The following ITGA4 variants were observed in gnomAD, a reference collection of about 807,000 sequenced individuals.
The protein encoded by ITGA4 is integrin alpha-4.
ITGA4 carries 63 observed loss-of-function variants against 133.6 expected under a neutral mutation model. The ratio of observed to expected loss-of-function variants is 0.47; its 90% CI spans 0.38 to 0.58. ITGA4 has a LOEUF of 0.58. Ranked by LOEUF, ITGA4 falls within the 20% of genes least tolerant of loss-of-function variation. The pLI, the probability that ITGA4 is intolerant of heterozygous loss-of-function variation, is 0.00. For missense variants in ITGA4, 1,076 were observed against 1,252.7 expected, an observed-to-expected ratio of 0.86 and a Z score of 2.13; for synonymous variants, 483 against 438.0, an observed-to-expected ratio of 1.10 and a Z score of -1.28.
At chr2:181,483,397 CAA>C (rs965134023) in intron 9 of ITGA4, among the ~76,000 whole-genome samples, 36 of 148,432 alleles carry the variant, frequency 2.4e-4, no homozygotes, top group African/African-American at 8.0e-4. Flanking sequence ...GATTTGAAAA[CAA>C]GAGTGGGCTT....
At chr2:181,496,801 G>A (rs548814146) in intron 14 of ITGA4, among the ~76,000 whole-genome samples, 31 of 152,246 alleles carry the variant, frequency 2.0e-4, no homozygotes, top group African/African-American at 6.0e-4. Flanking sequence ...AATTCACAAC[G>A]TTTATGATCC....
chr2:181,494,507 C>T (rs1483749027), intron 11 of ITGA4, among the ~76,000 whole-genome samples: 3 of 152,136 alleles, frequency 2.0e-5, no homozygotes, highest in Non-Finnish European at 2.9e-5. Flanking sequence ...TCCCTTTGCT[C>T]GCAAAGTAAA....
intron 9 of ITGA4, among the ~76,000 whole-genome samples, chr2:181,483,362 ATGAAATC>A (rs1685847453): frequency 6.6e-6 from 1 of 152,210 alleles, no homozygotes; most frequent in Non-Finnish European, 1.5e-5. Context: ...TGGAGTCTTA[ATGAAATC>A]TTCTTGGCCC....
Position 181,534,258 on chromosome 2 carries a change from CT to C in ITGA4, c.2785-10del. 1 of 1,510,546 alleles carries C rather than the reference CT, an allele frequency of 6.6e-7. No homozygotes were observed. The highest frequency in any genetic ancestry group is 9.2e-7 in the Non-Finnish European group (1 of 1,086,628). 93.6% of individuals were successfully genotyped at this position (1,510,546 alleles called of 1,614,324 possible). ...AATAAACCAGGCTATGGTGATCCTT[CT>C]TTTATTAAACAGGATGAGACTTCAG... On this transcript the variant is annotated splice_polypyrimidine_tract_variant and intron_variant, in intron 25 of 27. Coordinates refer to ENST00000397033, the MANE Select transcript of ITGA4 (RefSeq NM_000885.6).
intron 10 of ITGA4, among the ~76,000 whole-genome samples, chr2:181,487,959 C>T (rs1685959294): frequency 6.6e-6 from 1 of 152,182 alleles, no homozygotes; most frequent in Admixed American, 6.5e-5. Flanking sequence ...AACACAAAAT[C>T]ACTGTTTAGT....
At position 181,535,475 on chromosome 2, in the gene ITGA4, A is replaced by AAAAC. The variant is rs1309595667; in HGVS notation, c.3049_3052dup (p.Arg1018LysfsTer12). On this transcript the variant is annotated frameshift_variant, in exon 28 of 28. Coordinates refer to ENST00000397033, the MANE Select transcript of ITGA4 (RefSeq NM_000885.6). LOFTEE classifies it high-confidence loss of function. ...CAATACAAATCTATCCTACAAGAAG[A>AAAAC]AAACAGAAGAGACAGTTGGAGTTAT... The AAAAC allele has an allele frequency of 1.9e-6, 3 of 1,609,888 alleles. No individual in the cohort carries two copies. Among genetic ancestry groups the AAAAC allele is most frequent in the Non-Finnish European group, 2.5e-6 (3 of 1,177,854 alleles).
intron 22 of ITGA4, chr2:181,527,591 C>A: frequency 2.0e-6 from 1 of 491,020 alleles, no homozygotes; most frequent in Non-Finnish European, 3.7e-6. Flanking sequence ...TATTCAAGCC[C>A]ATATTTCCTT....
chr2:181,496,905 T>C lies in ITGA4; in HGVS notation c.1540+968T>C, dbSNP rs192340238. Among the ~76,000 whole-genome samples, 633 of 152,296 alleles carry C rather than the reference T, an allele frequency of 4.2e-3. 3 individuals are homozygous for C. Among genetic ancestry groups the C allele is most frequent in the Non-Finnish European group, 6.5e-3 (444 of 68,020 alleles). ...AAGGGCCCACATACTTATTAAATAA[T>C]GCCATGGATATGTAATAGAGGTCTT... On this transcript the variant is annotated intron_variant, in intron 14 of 27. Coordinates refer to ENST00000397033, the MANE Select transcript of ITGA4 (RefSeq NM_000885.6).
intron 25 of ITGA4, among the ~76,000 whole-genome samples, chr2:181,532,626 A>T (rs1686967002): frequency 1.3e-5 from 2 of 152,158 alleles, no homozygotes; most frequent in Admixed American, 1.3e-4. Flanking sequence ...GAAGTTGCTT[A>T]TAAGCTTAAG....
intron 15 of ITGA4, among the ~76,000 whole-genome samples, chr2:181,503,984 TC>T (rs1221934028): frequency 6.6e-6 from 1 of 152,036 alleles, no homozygotes; most frequent in Non-Finnish European, 1.5e-5. Flanking sequence ...TAGTGAAACT[TC>T]CCTTGAAATT....
At chr2:181,474,884 G>C (rs752611489) in intron 2 of ITGA4, 76 bp from the exon 3 acceptor site, 22 of 1,006,200 alleles carry the variant, frequency 2.2e-5, no homozygotes, top group Non-Finnish European at 3.3e-5. Flanking sequence ...AAAATACTGG[G>C]GATGAGTGCA....
rs35723610 is a variant in ITGA4 at position 181,490,484 on chromosome 2, CGTGTGTGTGTGT to C, written c.1154-2810_1154-2799del. Among the ~76,000 whole-genome samples, 346 of 137,810 alleles carry C rather than the reference CGTGTGTGTGTGT, an allele frequency of 2.5e-3. 2 individuals carry two copies. The highest frequency in any genetic ancestry group is 7.4e-3 in the Middle Eastern group (2 of 270). 90.4% of individuals were successfully genotyped at this position (137,810 alleles called of 152,430 possible). ...TTTTTTTTTATGGCTGAATAGTATT[CGTGTGTGTGTGT>C]GTGTGTGTGTGTGTGTGTGTGTGTG... On this transcript the variant is annotated intron_variant, in intron 10 of 27. Coordinates refer to ENST00000397033, the MANE Select transcript of ITGA4 (RefSeq NM_000885.6).
chr2:181,522,472 A>G, intron 18 of ITGA4, 131 bp downstream of exon 18: 1 of 608,534 alleles, frequency 1.6e-6, no homozygotes, highest in South Asian at 3.2e-5. Flanking sequence ...TTATTTTCAG[A>G]CTTACTCTGT....
In ITGA4 at chr2:181,504,480, A is replaced by G. The variant is rs543014303; in HGVS notation, c.1696-5178A>G. Among the ~76,000 whole-genome samples the G allele has an allele frequency of 8.5e-5, 13 of 152,206 alleles. 1 individual carries two copies. Among genetic ancestry groups the G allele is most frequent in the African/African-American group, 3.1e-4 (13 of 41,556 alleles). On this transcript the variant is annotated intron_variant, in intron 15 of 27. Transcript: ENST00000397033. ...CAATACATGCACATAGTTTAATGAA[A>G]TGTCATTTACTCCAAAGAAGAAATT...
In ITGA4 at chr2:181,497,815, A is replaced by G. The variant is rs184409580; in HGVS notation, c.1541-808A>G. Among the ~76,000 whole-genome samples, 311 of 152,106 alleles carry G rather than the reference A, an allele frequency of 2.0e-3. 1 individual carries two copies. The highest frequency in any genetic ancestry group is 4.5e-3 in the Admixed American group (69 of 15,278). On this transcript the variant is annotated intron_variant, in intron 14 of 27. Transcript: ENST00000397033. ...CAAAGAACTCATTTAGATTCATGAA[A>G]TGGTTCTCACTTTCTTGGTAAGATC...
intron 4 of ITGA4, among the ~76,000 whole-genome samples, chr2:181,476,912 A>G (rs1431589451): frequency 6.6e-6 from 1 of 152,160 alleles, no homozygotes; most frequent in African/African-American, 2.4e-5. Context: ...GTGGGAGCTA[A>G]ACATTGAGTA....
intron 10 of ITGA4, among the ~76,000 whole-genome samples, chr2:181,488,834 A>G (rs566968776): frequency 6.6e-6 from 1 of 152,268 alleles, no homozygotes; most frequent in East Asian, 1.9e-4. Flanking sequence ...CTGGGATTAC[A>G]GGCATGAGCC....
chr2:181,467,237 A>G (rs1287954161), intron 2 of ITGA4, among the ~76,000 whole-genome samples: 2 of 147,746 alleles, frequency 1.4e-5, no homozygotes, highest in Non-Finnish European at 3.0e-5. Context: ...AAAAAAAAAG[A>G]CAGTTGGTGG....
rs760150318 is a variant in ITGA4 at position 181,529,613 on chromosome 2, C to A, written c.2503C>A (p.Gln835Lys). The A allele has an allele frequency of 6.2e-7, 1 of 1,602,958 alleles. No homozygotes were observed. The highest frequency in any genetic ancestry group is 1.1e-5 in the South Asian group (1 of 90,748). The change falls in exon 23 of 28, where the codon CAA becomes AAA. Residue 835 changes from glutamine to lysine, a missense_variant. By Grantham distance (53) the Gln-to-Lys change is moderately conservative. Coordinates refer to ENST00000397033, the MANE Select transcript of ITGA4 (RefSeq NM_000885.6). The stretch of plus-strand genomic sequence containing the variant: ...AATGGTACCAAATTCTTTTAGCCCC[C>A]AAACTGATAAGCTGTTCAACATTTT... ...EIMVPNSFSP[Q>K]TDKLFNILDV...
Sources: gnomAD v4.1 joint callset for allele counts (sites outside exome capture counted in the v4.1 genomes callset) on GRCh38, gnomAD v4.1.1 for gene constraint, MANE v1.5 for transcripts, NCBI Gene and HGNC (gene_info 2026-07-23, HGNC 2026-07-21) for gene names.